The following SMC1A variants were observed in gnomAD, a reference collection of about 807,000 sequenced individuals.
The protein encoded by SMC1A is structural maintenance of chromosomes protein 1A.
In SMC1A, 4 loss-of-function variants were observed where a neutral mutation model predicts 94.5. The ratio of observed to expected loss-of-function variants is 0.04; its 90% CI spans 0.02 to 0.10. SMC1A has a LOEUF of 0.10. Ranked by LOEUF, SMC1A falls within the 10% of genes least tolerant of loss-of-function variation. The pLI is 1.00. For synonymous variants in SMC1A, 345 were observed against 347.7 expected, an observed-to-expected ratio of 0.99 and a Z score of 0.09; for missense variants, 304 against 989.0, an observed-to-expected ratio of 0.31 and a Z score of 9.29.
At chrX:53,386,373 GA>G (rs1213585319) in intron 19 of SMC1A, among the ~76,000 whole-genome samples, 83 of 110,798 alleles carry the variant, frequency 7.5e-4, no homozygotes, top group Admixed American at 5.3e-3. Context: ...GTTTCAAAAA[GA>G]AAAAAAACTA....
chrX:53,402,402 GATT>G (rs782373371), intron 15 of SMC1A, among the ~76,000 whole-genome samples: 1 of 110,491 alleles, frequency 9.1e-6, no homozygotes, highest in South Asian at 3.8e-4. Context: ...AAAATGAGAA[GATT>G]ATTTTCTTCT....
chrX:53,382,557 A>G lies in SMC1A; in HGVS notation c.3234T>C (p.Ala1078=). 1 of 1,211,429 alleles carries G rather than the reference A, an allele frequency of 8.3e-7. No individual in the cohort carries two copies. The highest frequency in any genetic ancestry group is 3.0e-5 in the East Asian group (1 of 33,838). ...CCTTATAGATCTCATCAATGTTGGT[A>G]GCCACAGATTCAAAACAAGCATTGA... ...DRFNACFESV[A]TNIDEIYKAL... is the part of the protein sequence containing the mutation. The change falls in exon 21 of 25, where the codon GCT becomes GCC. Residue 1078 remains alanine (A), a synonymous_variant. Coordinates refer to ENST00000322213, the MANE Select transcript of SMC1A (RefSeq NM_006306.4).
In SMC1A at chrX:53,399,623, T is replaced by C. The variant is rs1556888557; in HGVS notation, c.2528A>G (p.Lys843Arg). Residue 843 changes from lysine (K) to arginine (R), a missense_variant, in exon 16 of 25, where the codon AAA becomes AGA. Coordinates refer to ENST00000322213, the MANE Select transcript of SMC1A (RefSeq NM_006306.4). ...CTTTTCTATCTCATTTTCATCTTTT[T>C]TCACTGTCTGCTCCCACATGTGTAC... is the stretch of plus-strand genomic sequence containing the variant. ...DKVHMWEQTV[K>R]KDENEIEKLK... The C allele has an allele frequency of 8.3e-7, 1 of 1,209,808 alleles. No individual in the cohort carries two copies. Among genetic ancestry groups the C allele is most frequent in the South Asian group, 1.8e-5 (1 of 56,943 alleles).
Position 53,375,844 on chromosome X carries a change from TCTTAC to T in SMC1A, c.*4254_*4258del, listed in dbSNP as rs1165434880. The T allele has an allele frequency of 8.9e-6, 1 of 112,263 alleles. No individual in the cohort carries two copies. The highest frequency in any genetic ancestry group is 3.2e-5 in the African/African-American group (1 of 30,826). 9.3% of individuals were successfully genotyped at this position (112,263 alleles called of 1,213,427 possible). On this transcript the variant is annotated 3_prime_UTR_variant, in exon 25 of 25. Coordinates refer to ENST00000322213, the MANE Select transcript of SMC1A (RefSeq NM_006306.4). ...CCAATAATCAGTCATTAAGTTATCA[TCTTAC>T]CTTAACAGTTCACACCTTAACACCT...
chrX:53,399,521 G>A (rs2075663710), intron 16 of SMC1A, 68 bp downstream of exon 16: 1 of 1,027,613 alleles, frequency 9.7e-7, no homozygotes, highest in Admixed American at 2.2e-5. Flanking sequence ...TTATCCTTCT[G>A]TCTGTCGTAT....
Position 53,377,335 on chromosome X carries a change from T to C in SMC1A, c.*2768A>G, listed in dbSNP as rs942684147. 4 of 111,481 alleles carry C rather than the reference T, an allele frequency of 3.6e-5. No homozygotes were observed. The highest frequency in any genetic ancestry group is 1.9e-4 in the Admixed American group (2 of 10,432). 9.2% of individuals were successfully genotyped at this position (111,481 alleles called of 1,213,427 possible). A position where few individuals can be genotyped will look rare whatever the true frequency, so the allele number is the denominator to read the frequency against. The stretch of plus-strand genomic sequence containing the variant: ...ATGTAATCCTTTTTATCCTGTGAGG[T>C]AGGGGTTAGTTATCTGGGTTATTAT... On this transcript the variant is annotated 3_prime_UTR_variant, in exon 25 of 25. Transcript: ENST00000322213.
intron 15 of SMC1A, 127 bp from the exon 16 acceptor site, chrX:53,399,857 T>C: frequency 1.5e-6 from 1 of 664,013 alleles, no homozygotes; most frequent in Admixed American, 3.1e-5. Flanking sequence ...GTTACTGATT[T>C]TCAGTCACAA....
intron 1 of SMC1A, among the ~76,000 whole-genome samples, chrX:53,422,279 C>T (rs1376918312): frequency 1.1e-4 from 12 of 112,135 alleles, no homozygotes; most frequent in African/African-American, 3.9e-4. Context: ...GGGGCGGGGG[C>T]CGCGCAGGAA....
Position 53,383,535 on chromosome X carries a change from C to G in SMC1A, c.2974-282G>C, listed in dbSNP as rs782709918. Among the ~76,000 whole-genome samples the G allele has an allele frequency of 2.7e-5, 3 of 112,480 alleles. No individual in the cohort carries two copies. The East Asian group carries it at 8.4e-4, about 31-fold the overall frequency. ...CCGCTTTGTCTCTCAGGAGGAGCAG[C>G]TGGTGGTGCCCCTCTCTGGCTCTCA... is the stretch of plus-strand genomic sequence containing the variant. On this transcript the variant is annotated intron_variant, in intron 19 of 24. Coordinates refer to ENST00000322213, the MANE Select transcript of SMC1A (RefSeq NM_006306.4).
At chrX:53,394,975 G>C in intron 18 of SMC1A, 87 bp from the exon 19 acceptor site, 23 of 571,278 alleles carry the variant, frequency 4.0e-5, no homozygotes. Context: ...TTCAATCTTT[G>C]AGAAAGCACC....
rs1355167002 is a variant in SMC1A, at chrX:53,379,987, C to T, written c.*116G>A. The T allele has an allele frequency of 1.8e-6, 1 of 561,076 alleles. No individual in the cohort carries two copies. Among genetic ancestry groups the T allele is most frequent in the African/African-American group, 2.2e-5 (1 of 44,742 alleles). The allele number at this position is 561,076 out of a possible 1,213,427, so 46.2% of individuals were successfully genotyped here. On this transcript the variant is annotated 3_prime_UTR_variant, in exon 25 of 25. Coordinates refer to ENST00000322213, the MANE Select transcript of SMC1A (RefSeq NM_006306.4). Reference sequence around the variant, plus strand: ...CATGCTTGATTAGCAGTGCCTAAATCCCATGACTACACCAAAAAGGGCCAG... The same window carrying T: ...CATGCTTGATTAGCAGTGCCTAAATTCCATGACTACACCAAAAAGGGCCAG...
intron 19 of SMC1A, among the ~76,000 whole-genome samples, chrX:53,392,728 G>A (rs1184857765): frequency 1.8e-5 from 2 of 111,866 alleles, no homozygotes; most frequent in East Asian, 2.8e-4. Context: ...GATTACAGGC[G>A]TGAGCCACCG....
chrX:53,402,885 A>G (rs201960925), intron 15 of SMC1A, among the ~76,000 whole-genome samples: 4 of 86,970 alleles, frequency 4.6e-5, no homozygotes, highest in East Asian at 7.7e-4. Flanking sequence ...AAAAAAAAAA[A>G]GGGCCGGCAA....
chrX:53,406,986 C>T (rs1675136557), intron 9 of SMC1A, among the ~76,000 whole-genome samples: 1 of 112,263 alleles, frequency 8.9e-6, no homozygotes, highest in Non-Finnish European at 1.9e-5. Flanking sequence ...GCGTGAGCTA[C>T]CGCTCCCAGC....
At chrX:53,418,562 G>C (rs1463384490) in intron 1 of SMC1A, among the ~76,000 whole-genome samples, 1 of 112,224 alleles carries the variant, frequency 8.9e-6, no homozygotes, top group Non-Finnish European at 1.9e-5. Flanking sequence ...AGCCTCCCAA[G>C]TAGCGGGAAG....
At chrX:53,382,922 T>C (rs1556886098) in intron 20 of SMC1A, among the ~76,000 whole-genome samples, 175 bp downstream of exon 20, 1 of 111,298 alleles carries the variant, frequency 9.0e-6, no homozygotes, top group East Asian at 2.8e-4. Context: ...TCCGGGAACC[T>C]CAGCAATTTT....
At chrX:53,387,608 A>G (rs1556886598) in intron 19 of SMC1A, among the ~76,000 whole-genome samples, 1 of 111,910 alleles carries the variant, frequency 8.9e-6, no homozygotes, top group African/African-American at 3.2e-5. Flanking sequence ...GTTGCTAAAT[A>G]ATAGCATTTC....
chrX:53,414,689 G>A (rs2075725462), intron 3 of SMC1A, 69 bp downstream of exon 3: 5 of 668,393 alleles, frequency 7.5e-6, no homozygotes, highest in Non-Finnish European at 1.2e-5. Flanking sequence ...CTGAGATGGA[G>A]CAGACAGAGT....
In SMC1A at chrX:53,421,892, T is replaced by C. The variant is rs781975166; in HGVS notation, c.109+600A>G. On this transcript the variant is annotated intron_variant, in intron 1 of 24. Coordinates refer to ENST00000322213, the MANE Select transcript of SMC1A (RefSeq NM_006306.4). ...AGGAAAAGGGCGAGTTCGAGGCAAC[T>C]ACCTCTGACATAGCGGTGGGGGGTG... 33 of 1,194,156 alleles carry C rather than the reference T, an allele frequency of 2.8e-5. No homozygotes were observed. In the Middle Eastern group the frequency reaches 6.9e-4, roughly 25 times the overall value.
Sources: allele counts gnomAD v4.1 joint callset (sites outside exome capture counted in the v4.1 genomes callset), GRCh38; gene constraint gnomAD v4.1.1; transcripts MANE v1.5; gene names NCBI Gene and HGNC (gene_info 2026-07-23, HGNC 2026-07-21).